The following TRIM35 variants were observed in gnomAD, a reference collection of about 807,000 sequenced individuals.
The protein encoded by TRIM35 is E3 ubiquitin-protein ligase TRIM35.
TRIM35 carries 37 observed loss-of-function variants against 49.1 expected under a neutral mutation model. That is an observed-to-expected ratio of 0.75 (90% CI 0.58 to 0.99). The LOEUF is 0.99. Ranked by LOEUF, TRIM35 falls within the 50% of genes least tolerant of loss-of-function variation. The pLI is 0.00. For synonymous variants in TRIM35, 302 were observed against 289.3 expected (o/e 1.04, Z -0.45); for missense variants, 648 against 702.7 (o/e 0.92, Z 0.88).
In TRIM35 at chr8:27,304,867, C is replaced by T. The variant is rs140953455; in HGVS notation, c.435+5934G>A. On this transcript the variant is annotated intron_variant, in intron 1 of 5. Coordinates refer to ENST00000305364, the MANE Select transcript of TRIM35 (RefSeq NM_171982.5). ...TCCTTCTCTCTTCGGCTATCAGGCTCCTCACCTTAAAAATGAAAGCAGAGA... is the reference window on the plus strand; with the variant it reads ...TCCTTCTCTCTTCGGCTATCAGGCTTCTCACCTTAAAAATGAAAGCAGAGA... 2.1e-3 allele frequency: 953 copies of T among 447,864 alleles called. 12 individuals carry two copies. Among genetic ancestry groups the T allele is most frequent in the African/African-American group, 0.018 (882 of 49,368 alleles). 27.7% of individuals were successfully genotyped at this position (447,864 alleles called of 1,614,324 possible). A position where few individuals can be genotyped will look rare whatever the true frequency, so the allele number is the denominator to read the frequency against.
intron 1 of TRIM35, among the ~76,000 whole-genome samples, chr8:27,309,033 T>C (rs1323866743): frequency 6.6e-6 from 1 of 152,226 alleles, no homozygotes; most frequent in African/African-American, 2.4e-5. Context: ...GGGTCTCTGC[T>C]GGAAGCTCCT....
rs945907948 is a variant in TRIM35 at position 27,285,422 on chromosome 8, C to T, written c.*2128G>A. The stretch of plus-strand genomic sequence containing the variant: ...ACTCATACACAAAAGTTCCTAGCAG[C>T]ATTATGTATAATAGTCAAGAAGTAG... On this transcript the variant is annotated 3_prime_UTR_variant, in exon 6 of 6. Transcript: ENST00000305364. 8 of 152,146 alleles carry T rather than the reference C, an allele frequency of 5.3e-5. No homozygotes were observed. Among genetic ancestry groups the T allele is most frequent in the African/African-American group, 1.9e-4 (8 of 41,414 alleles). The allele number at this position is 152,146 out of a possible 1,614,324, so 9.4% of individuals were successfully genotyped here.
rs747031866 is a variant in TRIM35 at position 27,298,535 on chromosome 8, C to T, written c.460G>A (p.Ala154Thr). 1.1e-5 allele frequency: 17 copies of T among 1,614,226 alleles called. No individual in the cohort carries two copies. The highest frequency in any genetic ancestry group is 1.4e-5 in the Non-Finnish European group (17 of 1,180,034). ...FRAKCRNMEH[A>T]LREKAKAFWA... ...AAGGCCTTGGCCTTCTCCCGCAGTGCATGCTCCATGTTCCTGCACTTGGCC... is the reference window on the plus strand; with the variant it reads ...AAGGCCTTGGCCTTCTCCCGCAGTGTATGCTCCATGTTCCTGCACTTGGCC... The change falls in exon 2 of 6, where the codon GCA becomes ACA. Residue 154 changes from alanine (A) to threonine (T), a missense_variant. Transcript: ENST00000305364.
intron 1 of TRIM35, 144 bp downstream of exon 1, chr8:27,310,657 G>T: frequency 2.2e-6 from 2 of 930,144 alleles, no homozygotes; most frequent in Non-Finnish European, 3.2e-6. Context: ...TGAGAACCTG[G>T]GTCGGAGAGG....
At chr8:27,300,688 G>T (rs1802665192) in intron 1 of TRIM35, among the ~76,000 whole-genome samples, 1 of 152,110 alleles carries the variant, frequency 6.6e-6, no homozygotes, top group Non-Finnish European at 1.5e-5. Flanking sequence ...AACTCATTTT[G>T]ATCTTTTAAT....
chr8:27,299,095 A>G (rs1458374017), intron 1 of TRIM35, among the ~76,000 whole-genome samples: 7 of 152,162 alleles, frequency 4.6e-5, no homozygotes, highest in Admixed American at 1.3e-4. Context: ...ATGCCCCTCC[A>G]TACCCCTCCT....
Position 27,287,306 on chromosome 8 carries a change from G to A in TRIM35, c.*244C>T, listed in dbSNP as rs1189403205. ...GATTCAGAAAATTCACATTGTGGAGGTGCCACGACTCGGGAGAGCCTGGCC... is the reference window on the plus strand; with the variant it reads ...GATTCAGAAAATTCACATTGTGGAGATGCCACGACTCGGGAGAGCCTGGCC... On this transcript the variant is annotated 3_prime_UTR_variant, in exon 6 of 6. Transcript: ENST00000305364. This position sits in a 1 kb window ranked among gnomAD's most constrained non-coding sequence, Gnocchi z 6.0. The A allele has an allele frequency of 2.0e-6, 1 of 496,896 alleles. No individual in the cohort carries two copies. Among genetic ancestry groups the A allele is most frequent in the Non-Finnish European group, 3.6e-6 (1 of 281,462 alleles). 30.8% of individuals were successfully genotyped at this position (496,896 alleles called of 1,614,324 possible). A position where few individuals can be genotyped will look rare whatever the true frequency, so the allele number is the denominator to read the frequency against.
chr8:27,285,960 T>C lies in TRIM35; in HGVS notation c.*1590A>G. On this transcript the variant is annotated 3_prime_UTR_variant, in exon 6 of 6. Transcript: ENST00000305364. ...CCTTCACACACTGACATCGCCTACC[T>C]GGGCCCTCCTTGTGGCCTTAAGTTT... The C allele has an allele frequency of 7.9e-6, 3 of 380,250 alleles. No individual in the cohort carries two copies. The highest frequency in any genetic ancestry group is 5.9e-5 in the South Asian group (3 of 50,880). The allele number at this position is 380,250 out of a possible 1,614,324, so 23.6% of individuals were successfully genotyped here. A position where few individuals can be genotyped will look rare whatever the true frequency, so the allele number is the denominator to read the frequency against.
chr8:27,294,227 A>G lies in TRIM35; in HGVS notation c.615T>C (p.Ile205=), dbSNP rs776203409. 9.9e-6 allele frequency: 16 copies of G among 1,613,982 alleles called. No homozygotes were observed. The highest frequency in any genetic ancestry group is 1.4e-5 in the Non-Finnish European group (16 of 1,180,032). ...TTGTCTCCTCGGCCATGGCATCCAG[A>G]ATGGCCTGCTCCTCCACTCTCAAGA... ...REFLRVEEQA[I]LDAMAEETRQ... is the part of the protein sequence containing the mutation. The change falls in exon 3 of 6, where the codon ATT becomes ATC. Residue 205 remains isoleucine (I), a synonymous_variant. Coordinates refer to ENST00000305364, the MANE Select transcript of TRIM35 (RefSeq NM_171982.5).
intron 3 of TRIM35, 39 bp downstream of exon 3, chr8:27,294,041 T>C (rs770354443): frequency 2.8e-5 from 45 of 1,596,814 alleles, no homozygotes; most frequent in Non-Finnish European, 3.8e-5. Flanking sequence ...TCCTGGAACA[T>C]GTGGCCCTGT....
At position 27,294,260 on chromosome 8, in the gene TRIM35, A is replaced by G. The variant is rs138869582; in HGVS notation, c.582T>C (p.Leu194=). ...EGRIRQEFDK[L]REFLRVEEQA... is the part of the protein sequence containing the mutation. The stretch of plus-strand genomic sequence containing the variant: ...GCTCCTCCACTCTCAAGAACTCGCG[A>G]AGCTTATCAAACTCCTGCCGGATCC... Residue 194 remains leucine (L), a synonymous_variant, in exon 3 of 6, where the codon CTT becomes CTC. Coordinates refer to ENST00000305364, the MANE Select transcript of TRIM35 (RefSeq NM_171982.5). 2 of 1,614,008 alleles carry G rather than the reference A, an allele frequency of 1.2e-6. No homozygotes were observed. The highest frequency in any genetic ancestry group is 2.7e-5 in the African/African-American group (2 of 74,908).
intron 2 of TRIM35, among the ~76,000 whole-genome samples, chr8:27,294,665 G>A (rs945008182): frequency 1.3e-5 from 2 of 152,076 alleles, no homozygotes; most frequent in South Asian, 2.1e-4. Flanking sequence ...GAATGGCTGC[G>A]AATAGCAATG....
intron 1 of TRIM35, among the ~76,000 whole-genome samples, chr8:27,307,803 T>C (rs1802817682): frequency 6.6e-6 from 1 of 152,206 alleles, no homozygotes; most frequent in South Asian, 2.1e-4. Flanking sequence ...ATTCTATAAT[T>C]GTCTATAAAA....
intron 1 of TRIM35, among the ~76,000 whole-genome samples, chr8:27,301,729 T>A (rs570188699): frequency 1.3e-4 from 20 of 152,348 alleles, no homozygotes; most frequent in Admixed American, 4.6e-4. Context: ...AAGAAACACC[T>A]CCCTACACTG....
intron 1 of TRIM35, among the ~76,000 whole-genome samples, chr8:27,309,809 C>T (rs370174942): frequency 2.6e-5 from 4 of 151,166 alleles, no homozygotes; most frequent in Non-Finnish European, 5.9e-5. Flanking sequence ...ATGGTGAAAC[C>T]CTGCCTCTAC....
At chr8:27,306,256 G>A (rs548367795) in intron 1 of TRIM35, among the ~76,000 whole-genome samples, 57 of 152,016 alleles carry the variant, frequency 3.7e-4, no homozygotes, top group African/African-American at 1.3e-3. Context: ...TCCAAGCCAC[G>A]ACATAAACAG....
At chr8:27,299,676 C>T (rs1366667107) in intron 1 of TRIM35, among the ~76,000 whole-genome samples, 1 of 152,152 alleles carries the variant, frequency 6.6e-6, no homozygotes, top group Non-Finnish European at 1.5e-5. Flanking sequence ...ACTGGATATG[C>T]AGCAATAAAT....
rs78584197 is a variant in TRIM35, at chr8:27,308,328, G to A, written c.435+2473C>T. Among the ~76,000 whole-genome samples, 340 of 152,340 alleles carry A rather than the reference G, an allele frequency of 2.2e-3. 2 individuals carry two copies. Among genetic ancestry groups the A allele is most frequent in the African/African-American group, 7.8e-3 (325 of 41,568 alleles). ...CTGAAAAGCATCTAGCACACAGTGAGCACTGAAATGTGTTAGCTGGGATGA... is the reference window on the plus strand; with the variant it reads ...CTGAAAAGCATCTAGCACACAGTGAACACTGAAATGTGTTAGCTGGGATGA... On this transcript the variant is annotated intron_variant, in intron 1 of 5. Coordinates refer to ENST00000305364, the MANE Select transcript of TRIM35 (RefSeq NM_171982.5).
At chr8:27,298,613 CAG>C (rs1435844973) in intron 1 of TRIM35, 54 bp from the exon 2 acceptor site, 2 of 1,419,648 alleles carry the variant, frequency 1.4e-6, no homozygotes, top group East Asian at 4.6e-5. Context: ...GGAGGCTGGG[CAG>C]AGAGGGCAGA....
Sources: gnomAD v4.1 joint callset for allele counts (sites outside exome capture counted in the v4.1 genomes callset) on GRCh38, gnomAD v4.1.1 for gene constraint, Gnocchi (gnomAD v3.1) non-coding constraint, MANE v1.5 for transcripts, NCBI Gene and HGNC (gene_info 2026-07-23, HGNC 2026-07-21) for gene names.